Variants in TMC3 observed in about 807,000 individuals in gnomAD.
The protein encoded by TMC3 is transmembrane channel like 3, also known as transmembrane channel-like protein 3.
In TMC3, 98 loss-of-function variants were observed where a neutral mutation model predicts 110.6. The ratio of observed to expected loss-of-function variants is 0.89; its 90% CI spans 0.75 to 1.05. The LOEUF is 1.05. TMC3 is among the 50% of genes least tolerant of loss of function. The pLI is 0.00. For synonymous variants in TMC3, 489 were observed against 513.1 expected, an observed-to-expected ratio of 0.95 and a Z score of 0.63; for missense variants, 1,319 against 1,373.2, an observed-to-expected ratio of 0.96 and a Z score of 0.62.
At chr15:81,344,192 G>A (rs993924781) in intron 13 of TMC3, 147 bp from the exon 14 acceptor site, 6 of 770,106 alleles carry the variant, frequency 7.8e-6, no homozygotes, top group East Asian at 3.0e-5. Context: ...ATCTTTGTAA[G>A]TTGCAGTGGG....
intron 3 of TMC3, among the ~76,000 whole-genome samples, chr15:81,365,940 A>G (rs1894306305): frequency 1.3e-5 from 2 of 152,342 alleles, no homozygotes; most frequent in South Asian, 4.1e-4. Context: ...GAACTATCAT[A>G]CATGTTGTTA....
At chr15:81,351,383 C>T (rs1330146963) in intron 10 of TMC3, among the ~76,000 whole-genome samples, 5 of 139,478 alleles carry the variant, frequency 3.6e-5, no homozygotes, top group South Asian at 4.5e-4. Flanking sequence ...GACAGAGTCT[C>T]GCGCTGTTGC....
rs781142099 is a variant in TMC3 at position 81,362,224 on chromosome 15, G to A, written c.390C>T (p.Ile130=). 16 of 1,607,672 alleles carry A rather than the reference G, an allele frequency of 1.0e-5. No homozygotes were observed. In the Admixed American group the frequency reaches 1.0e-4, roughly 10 times the overall value. ...TCTCCAGGTGTAAATACTTACTCTC[G>A]ATTTTCTTTATCCTCATTTCCCAGG... is the stretch of plus-strand genomic sequence containing the variant. ...FIPWEMRIKK[I]ESHFGSGVAS... The change falls in exon 4 of 22, where the codon ATC becomes ATT. Residue 130 remains isoleucine (I), a synonymous_variant. Coordinates refer to ENST00000359440, the MANE Select transcript of TMC3 (RefSeq NM_001080532.3).
Position 81,362,211 on chromosome 15 carries a change from A to G in TMC3, c.394+9T>C, listed in dbSNP as rs747498721. 1.3e-5 allele frequency: 21 copies of G among 1,600,926 alleles called. No homozygotes were observed. The highest frequency in any genetic ancestry group is 1.0e-4 in the Admixed American group (6 of 58,226). On this transcript the variant is annotated intron_variant, in intron 4 of 21. Transcript: ENST00000359440. ...ATTCCTGCCCCACTCTCCAGGTGTAAATACTTACTCTCGATTTTCTTTATC... is the reference window on the plus strand; with the variant it reads ...ATTCCTGCCCCACTCTCCAGGTGTAGATACTTACTCTCGATTTTCTTTATC...
At chr15:81,353,633 AG>A (rs1421747562) in intron 9 of TMC3, among the ~76,000 whole-genome samples, 2 of 152,236 alleles carry the variant, frequency 1.3e-5, no homozygotes, top group African/African-American at 4.8e-5. Flanking sequence ...TTTGTAGCCT[AG>A]GAGCAATTGG....
chr15:81,366,405 T>C (rs183436515), intron 3 of TMC3, among the ~76,000 whole-genome samples: 1 of 152,250 alleles, frequency 6.6e-6, no homozygotes, highest in African/African-American at 2.4e-5. Flanking sequence ...CAGAAGAGGA[T>C]GGAGGAGAGA....
chr15:81,353,180 A>G (rs566622562), intron 9 of TMC3, among the ~76,000 whole-genome samples: 146 of 141,476 alleles, frequency 1.0e-3, no homozygotes, highest in African/African-American at 2.9e-3. Context: ...AATAAAGCTT[A>G]TAGAATAAGG....
intron 2 of TMC3, among the ~76,000 whole-genome samples, chr15:81,369,409 G>A (rs1894386562): frequency 6.6e-6 from 1 of 152,066 alleles, no homozygotes. Flanking sequence ...CCAAAATGTA[G>A]GTTAGGAGCA....
Position 81,356,540 on chromosome 15 carries a change from G to C in TMC3, c.798C>G (p.Thr266=), listed in dbSNP as rs1894066053. The change falls in exon 8 of 22, where the codon ACC becomes ACG. Residue 266 remains threonine (T), a synonymous_variant. Transcript: ENST00000359440. ...AGGCACAGAACACCCGCCAGCAGAA[G>C]GTATAGTTTTCATTGGAAGCACTGG... ...SLASASNENY[T]FCWRVFCAWD... 1 of 1,583,594 alleles carries C rather than the reference G, an allele frequency of 6.3e-7. No individual in the cohort carries two copies. Among genetic ancestry groups the C allele is most frequent in the African/African-American group, 1.3e-5 (1 of 74,350 alleles).
chr15:81,338,859 A>C (rs1415656870), intron 17 of TMC3, 79 bp from the exon 18 acceptor site: 1 of 1,534,804 alleles, frequency 6.5e-7, no homozygotes, highest in African/African-American at 1.4e-5. Flanking sequence ...AAATGGCTGG[A>C]TGCCTGGAGG....
Position 81,334,770 on chromosome 15 carries a change from G to T in TMC3, c.2409C>A (p.Ser803Arg), listed in dbSNP as rs755880494. The change falls in exon 21 of 22, where the codon AGC becomes AGA. Residue 803 changes from serine to arginine, a missense_variant. Coordinates refer to ENST00000359440, the MANE Select transcript of TMC3 (RefSeq NM_001080532.3). ...ATTTGGGGACCCCAGGGAGAGGTGA[G>T]CTAGGAGCCCTGTCCCCTGGCCTCG... ...QSPRPGDRAP[S>R]SPLPGVPKSR... is the part of the protein sequence containing the mutation. The T allele has an allele frequency of 6.2e-7, 1 of 1,614,024 alleles. No homozygotes were observed. Among genetic ancestry groups the T allele is most frequent in the Non-Finnish European group, 8.5e-7 (1 of 1,179,886 alleles).
Position 81,372,594 on chromosome 15 carries a change from A to G in TMC3, c.233T>C (p.Leu78Ser). ...PWTMGQKLRALRQAKNIVLKF... is the reference protein window; with the variant it reads ...PWTMGQKLRASRQAKNIVLKF... ...TAATGGCCATTGAGGCCCTTACCTC[A>G]ATGCCCTCAGCTTCTGTCCCATAGT... Residue 78 changes from leucine to serine, a missense_variant, in exon 2 of 22, where the codon TTG becomes TCG. By Grantham distance (145) the Leu-to-Ser change is moderately radical (BLOSUM62 -2). Coordinates refer to ENST00000359440, the MANE Select transcript of TMC3 (RefSeq NM_001080532.3). The G allele has an allele frequency of 6.2e-7, 1 of 1,613,362 alleles. No individual in the cohort carries two copies. Among genetic ancestry groups the G allele is most frequent in the Non-Finnish European group, 8.5e-7 (1 of 1,179,884 alleles).
Position 81,358,311 on chromosome 15 carries a change from T to C in TMC3, c.601-20A>G, listed in dbSNP as rs1385029637. On this transcript the variant is annotated intron_variant, in intron 6 of 21. Transcript: ENST00000359440. ...GTAGCCCTGCAAAGAAAACACTCAGTGTCATTTCTGCTTCCCGTTCCCAGG... is the reference window on the plus strand; with the variant it reads ...GTAGCCCTGCAAAGAAAACACTCAGCGTCATTTCTGCTTCCCGTTCCCAGG... The C allele has an allele frequency of 6.3e-7, 1 of 1,599,536 alleles. No homozygotes were observed.
chr15:81,346,871 G>A (rs1022378739), intron 11 of TMC3, among the ~76,000 whole-genome samples: 41 of 152,200 alleles, frequency 2.7e-4, no homozygotes, highest in African/African-American at 8.4e-4. Context: ...GTATTGAAGC[G>A]CAGAGGGAGC....
chr15:81,332,432 C>T lies in TMC3; in HGVS notation c.3290G>A (p.Cys1097Tyr). Residue 1097 changes from cysteine (C) to tyrosine (Y), a missense_variant, in exon 22 of 22, where the codon TGT (cysteine) becomes TAT (tyrosine). Cys to Tyr is a radical substitution (Grantham distance 194). Coordinates refer to ENST00000359440, the MANE Select transcript of TMC3 (RefSeq NM_001080532.3). ...ELTVDLDDLI[C>Y]SDV ...ACTGGAGGAAGCCTAGACATCTGAACAAATCAAGTCATCCAGATCCACGGT... is the reference window on the plus strand; with the variant it reads ...ACTGGAGGAAGCCTAGACATCTGAATAAATCAAGTCATCCAGATCCACGGT... 6.2e-7 allele frequency: 1 copy of T among 1,605,780 alleles called. No individual in the cohort carries two copies. Among genetic ancestry groups the T allele is most frequent in the Non-Finnish European group, 8.5e-7 (1 of 1,175,402 alleles).
At chr15:81,338,578 T>G in intron 18 of TMC3, 77 bp downstream of exon 18, 2 of 1,568,540 alleles carry the variant, frequency 1.3e-6, no homozygotes, top group Non-Finnish European at 1.7e-6. Context: ...AAATTTTATG[T>G]AATTATTGGA....
chr15:81,341,718 G>A (rs1273554018), intron 15 of TMC3, 200 bp from the exon 16 acceptor site: 1 of 402,512 alleles, frequency 2.5e-6, no homozygotes, highest in Non-Finnish European at 4.5e-6. Context: ...GGTGGGTATT[G>A]ATCCTATTTT....
rs1894195278 is a variant in TMC3, at chr15:81,361,904, T to C, written c.394+316A>G. On this transcript the variant is annotated intron_variant, in intron 4 of 21. Coordinates refer to ENST00000359440, the MANE Select transcript of TMC3 (RefSeq NM_001080532.3). ...TTTGCAATTCCTTGAGCTACCCTCTTATTCATCCTCATAGGTTTTCACTTG... is the reference window on the plus strand; with the variant it reads ...TTTGCAATTCCTTGAGCTACCCTCTCATTCATCCTCATAGGTTTTCACTTG... 1.6e-5 allele frequency: 3 copies of C among 182,686 alleles called. No individual in the cohort carries two copies. In the South Asian group the frequency reaches 4.1e-4, roughly 25 times the overall value. The allele number at this position is 182,686 out of a possible 1,614,324, so 11.3% of individuals were successfully genotyped here. A position where few individuals can be genotyped will look rare whatever the true frequency, so the allele number is the denominator to read the frequency against.
At chr15:81,361,764 T>C (rs542894214) in intron 4 of TMC3, among the ~76,000 whole-genome samples, 1 of 152,340 alleles carries the variant, frequency 6.6e-6, no homozygotes, top group South Asian at 2.1e-4. Context: ...GTTAAGTCTC[T>C]TCCAGGTATT....
Sources: gnomAD v4.1 joint callset for allele counts (sites outside exome capture counted in the v4.1 genomes callset) on GRCh38, gnomAD v4.1.1 for gene constraint, MANE v1.5 for transcripts, NCBI Gene and HGNC (gene_info 2026-07-23, HGNC 2026-07-21) for gene names.